The following CA10 variants were observed in gnomAD, a reference collection of about 807,000 sequenced individuals.
CA10 encodes the protein carbonic anhydrase 10 (inactive), also known as carbonic anhydrase-related protein 10.
Under a neutral mutation model 44.2 loss-of-function variants are expected in CA10, and 14 were observed. That is an observed-to-expected ratio of 0.32 (90% CI 0.21 to 0.50). The LOEUF (loss-of-function observed/expected upper bound fraction) is 0.50. Among genes scored for constraint, CA10 ranks in the 20% least tolerant of loss-of-function variants. CA10 has a pLI of 0.99. For missense variants in CA10, 350 were observed against 409.7 expected (o/e 0.85, Z 1.26); for synonymous variants, 159 against 141.6 (o/e 1.12, Z -0.87).
chr17:52,026,136 G>T (rs1270372483), intron 2 of CA10, among the ~76,000 whole-genome samples: 1 of 152,104 alleles, frequency 6.6e-6, no homozygotes, highest in Non-Finnish European at 1.5e-5. Flanking sequence ...AAGTAAACTT[G>T]TCCCAGTGAA....
chr17:51,939,528 T>C (rs1982995621), intron 2 of CA10, among the ~76,000 whole-genome samples: 1 of 152,110 alleles, frequency 6.6e-6, no homozygotes, highest in South Asian at 2.1e-4. Context: ...ACATTTACTC[T>C]CCTATCGGCA....
At position 51,867,528 on chromosome 17, in the gene CA10, C is replaced by T. The variant is rs9907127; in HGVS notation, c.279+63462G>A. Reference sequence around the variant, plus strand: ...AGACGAGATGCTCACAGTGTTTATTCTCTAGGTGGTTGTGAGAATTAAAGC... The same window carrying T: ...AGACGAGATGCTCACAGTGTTTATTTTCTAGGTGGTTGTGAGAATTAAAGC... On this transcript the variant is annotated intron_variant, in intron 3 of 8. Transcript: ENST00000451037. 4.3e-3 allele frequency among the ~76,000 whole-genome samples: 652 copies of T among 152,314 alleles called. 4 individuals are homozygous for T. Among genetic ancestry groups the T allele is most frequent in the African/African-American group, 0.014 (596 of 41,574 alleles).
At chr17:52,106,174 AG>A (rs1025208156) in intron 1 of CA10, among the ~76,000 whole-genome samples, 4 of 152,224 alleles carry the variant, frequency 2.6e-5, no homozygotes, top group African/African-American at 9.7e-5. Flanking sequence ...ATGGATTACT[AG>A]GGAATTTCCA....
chr17:51,977,534 A>T lies in CA10; in HGVS notation c.137-46402T>A, dbSNP rs143350552. Among the ~76,000 whole-genome samples, 189 of 152,216 alleles carry T rather than the reference A, an allele frequency of 1.2e-3. 3 individuals are homozygous for T. Among genetic ancestry groups the T allele is most frequent in the African/African-American group, 4.3e-3 (178 of 41,586 alleles). On this transcript the variant is annotated intron_variant, in intron 2 of 8. Transcript: ENST00000451037. ...TCTTAGCAAACTAGAAATGGGGGGA[A>T]GTCTTCAAACTAATACAATGTATCT...
intron 4 of CA10, among the ~76,000 whole-genome samples, chr17:51,674,664 C>A (rs2014397): frequency 0.75 from 113,464 of 152,144 alleles, 42,345 homozygotes; most frequent in Admixed American, 0.8. Context: ...CTTTTCTCAC[C>A]GCAGTGGTGT....
intron 4 of CA10, among the ~76,000 whole-genome samples, chr17:51,742,337 A>G (rs1904499051): frequency 6.6e-6 from 1 of 152,172 alleles, no homozygotes; most frequent in Non-Finnish European, 1.5e-5. Flanking sequence ...CATCTCTACC[A>G]GGAGGTCGTG....
chr17:52,026,142 G>T (rs1229886948), intron 2 of CA10, among the ~76,000 whole-genome samples: 1 of 152,104 alleles, frequency 6.6e-6, no homozygotes, highest in Non-Finnish European at 1.5e-5. Flanking sequence ...ACTTGTCCCA[G>T]TGAAGACAGA....
chr17:51,751,295 G>A (rs138652531), intron 3 of CA10, among the ~76,000 whole-genome samples: 1 of 152,268 alleles, frequency 6.6e-6, no homozygotes, highest in Admixed American at 6.5e-5. Context: ...AGTATTTAAT[G>A]AGTATAAAGT....
intron 3 of CA10, among the ~76,000 whole-genome samples, chr17:51,873,027 G>A (rs1456592580): frequency 6.6e-6 from 1 of 152,196 alleles, no homozygotes; most frequent in African/African-American, 2.4e-5. Flanking sequence ...AGAGTTCAAT[G>A]TGCTGTAGGA....
intron 2 of CA10, among the ~76,000 whole-genome samples, chr17:52,029,416 C>A (rs1214537575): frequency 3.3e-5 from 5 of 152,122 alleles, no homozygotes; most frequent in Non-Finnish European, 4.4e-5. Flanking sequence ...TTAGATAGAG[C>A]ACCATGTTTC....
chr17:51,778,192 C>T, intron 3 of CA10, among the ~76,000 whole-genome samples: 1 of 152,168 alleles, frequency 6.6e-6, no homozygotes, highest in East Asian at 1.9e-4. Flanking sequence ...CAGATTTATG[C>T]TGTCTTCTTC....
chr17:52,057,572 G>A (rs747209545), intron 2 of CA10, among the ~76,000 whole-genome samples: 5 of 152,016 alleles, frequency 3.3e-5, no homozygotes, highest in Non-Finnish European at 7.4e-5. Context: ...TTTTGGGGGA[G>A]TCAAAGTTAT....
intron 2 of CA10, among the ~76,000 whole-genome samples, chr17:51,969,069 G>C (rs1984183857): frequency 6.6e-6 from 1 of 151,800 alleles, no homozygotes; most frequent in Non-Finnish European, 1.5e-5. Flanking sequence ...GAAAACAAAA[G>C]CCCACATATA....
chr17:51,758,391 GAC>G lies in CA10; in HGVS notation c.280-10575_280-10574del, dbSNP rs1905131598. On this transcript the variant is annotated intron_variant, in intron 3 of 8. Coordinates refer to ENST00000451037, the MANE Select transcript of CA10 (RefSeq NM_020178.5). ...TTGATTGATCTTGGTAATGACAAAA[GAC>G]ACAGAGAACAGGTGTGAAAGATATT... 4.6e-5 allele frequency among the ~76,000 whole-genome samples: 7 copies of G among 152,198 alleles called. No individual in the cohort carries two copies. In the South Asian group the frequency reaches 1.4e-3, roughly 31 times the overall value.
intron 3 of CA10, among the ~76,000 whole-genome samples, chr17:51,855,149 T>C (rs1291458925): frequency 1.3e-5 from 2 of 152,144 alleles, no homozygotes; most frequent in East Asian, 1.9e-4. Flanking sequence ...GCAAAATTAC[T>C]TTACTTTGGT....
chr17:51,992,330 T>C (rs1329172746), intron 2 of CA10, among the ~76,000 whole-genome samples: 7 of 152,142 alleles, frequency 4.6e-5, no homozygotes, highest in Non-Finnish European at 1.0e-4. Flanking sequence ...ATCACCATCA[T>C]TGTTATCCTC....
intron 1 of CA10, among the ~76,000 whole-genome samples, chr17:52,130,181 G>T (rs1411609473): frequency 6.6e-6 from 1 of 152,134 alleles, no homozygotes; most frequent in African/African-American, 2.4e-5. Context: ...ATGGAGAAAA[G>T]GGATCCCTTG....
Position 51,635,837 on chromosome 17 carries a change from G to T in CA10, c.789+18C>A. 1.3e-6 allele frequency: 2 copies of T among 1,532,398 alleles called. No individual in the cohort carries two copies. Among genetic ancestry groups the T allele is most frequent in the South Asian group, 2.5e-5 (2 of 80,106 alleles). 94.9% of individuals were successfully genotyped at this position (1,532,398 alleles called of 1,614,324 possible). A position where few individuals can be genotyped will look rare whatever the true frequency, so the allele number is the denominator to read the frequency against. On this transcript the variant is annotated intron_variant, in intron 7 of 8. Transcript: ENST00000451037. ...CATCATTCTTCTCCATTAGCTAAATGACCAGAGAGAAACTCACCTGCATCC... is the reference window on the plus strand; with the variant it reads ...CATCATTCTTCTCCATTAGCTAAATTACCAGAGAGAAACTCACCTGCATCC...
At chr17:52,006,936 T>C (rs1985620000) in intron 2 of CA10, among the ~76,000 whole-genome samples, 1 of 151,788 alleles carries the variant, frequency 6.6e-6, no homozygotes, top group African/African-American at 2.4e-5. Context: ...TTTTAGATCC[T>C]TGAATTGCAC....
Sources: gnomAD v4.1 joint callset for allele counts (sites outside exome capture counted in the v4.1 genomes callset) on GRCh38, gnomAD v4.1.1 for gene constraint, MANE v1.5 for transcripts, NCBI Gene and HGNC (gene_info 2026-07-23, HGNC 2026-07-21) for gene names.